PRKCE: variants seen among roughly 807,000 people sequenced by gnomAD.
PRKCE encodes protein kinase C epsilon, also known as protein kinase C epsilon type.
PRKCE carries 16 observed loss-of-function variants against 85.4 expected under a neutral mutation model. That is an observed-to-expected ratio of 0.19 (90% CI 0.13 to 0.28). The LOEUF (loss-of-function observed/expected upper bound fraction) is 0.28. Ranked by LOEUF, PRKCE falls within the 10% of genes least tolerant of loss-of-function variation. The pLI, the probability that PRKCE is intolerant of heterozygous loss-of-function variation, is 1.00. For missense variants in PRKCE, 573 were observed against 975.2 expected, an observed-to-expected ratio of 0.59 and a Z score of 5.49; for synonymous variants, 388 against 371.5, an observed-to-expected ratio of 1.04 and a Z score of -0.51.
chr2:46,027,701 C>T (rs1346211009), intron 10 of PRKCE, among the ~76,000 whole-genome samples: 2 of 152,170 alleles, frequency 1.3e-5, no homozygotes, highest in Admixed American at 1.3e-4. Flanking sequence ...CTCTGTGTAT[C>T]ATTCTTTTGC....
intron 2 of PRKCE, among the ~76,000 whole-genome samples, chr2:45,852,499 G>C (rs755852636): frequency 1.3e-5 from 2 of 152,114 alleles, no homozygotes; most frequent in Non-Finnish European, 2.9e-5. Context: ...ACCATGCTAA[G>C]AGCTAAACAA....
chr2:45,738,687 A>G (rs974809545), intron 1 of PRKCE, among the ~76,000 whole-genome samples: 1 of 152,212 alleles, frequency 6.6e-6, no homozygotes, highest in East Asian at 1.9e-4. Flanking sequence ...TGAGGGCCTA[A>G]GGTGTGAATA....
intron 1 of PRKCE, chr2:45,674,680 A>T (rs1035133371): frequency 6.6e-6 from 1 of 152,270 alleles, no homozygotes; most frequent in African/African-American, 2.4e-5. Context: ...CCCAAAGCAC[A>T]GATTGGAGGC....
At chr2:45,804,516 A>T (rs1688100075) in intron 1 of PRKCE, among the ~76,000 whole-genome samples, 1 of 152,164 alleles carries the variant, frequency 6.6e-6, no homozygotes, top group South Asian at 2.1e-4. Flanking sequence ...GACTTCTCCT[A>T]TACTGAGGTG....
intron 2 of PRKCE, among the ~76,000 whole-genome samples, chr2:45,883,288 G>T (rs974129597): frequency 2.0e-5 from 3 of 152,232 alleles, no homozygotes; most frequent in Non-Finnish European, 2.9e-5. Context: ...GTCAGAAAAC[G>T]GTAGTGTTGC....
intron 14 of PRKCE, among the ~76,000 whole-genome samples, chr2:46,163,395 G>A (rs13008546): frequency 5.7e-4 from 79 of 138,108 alleles, no homozygotes; most frequent in African/African-American, 1.1e-3. Flanking sequence ...TGAGAGACAC[G>A]GGGAAGCTGA....
At chr2:45,935,918 G>A (rs1319647859) in intron 2 of PRKCE, among the ~76,000 whole-genome samples, 1 of 152,248 alleles carries the variant, frequency 6.6e-6, no homozygotes. Flanking sequence ...GCACACTGGA[G>A]TCCTGGAGTG....
intron 1 of PRKCE, among the ~76,000 whole-genome samples, chr2:45,694,205 C>T (rs893788731): frequency 2.7e-5 from 4 of 150,738 alleles, no homozygotes; most frequent in African/African-American, 9.8e-5. Flanking sequence ...TCTCTAGCGT[C>T]AAGTATTAAA....
rs1179098903 is a variant in PRKCE at position 45,907,507 on chromosome 2, G to C, written c.412+64444G>C. 1.3e-5 allele frequency among the ~76,000 whole-genome samples: 2 copies of C among 152,236 alleles called. No individual in the cohort carries two copies. Among genetic ancestry groups the C allele is most frequent in the African/African-American group, 4.8e-5 (2 of 41,464 alleles). On this transcript the variant is annotated intron_variant, in intron 2 of 14. Coordinates refer to ENST00000306156, the MANE Select transcript of PRKCE (RefSeq NM_005400.3). This position sits in a 1 kb window ranked among gnomAD's most constrained non-coding sequence, Gnocchi z 4.5. ...AACAATGGACGAAGCACACTTCTGA[G>C]GGCGTCATCGCAGGCCCTGTTCATC...
intron 1 of PRKCE, among the ~76,000 whole-genome samples, chr2:45,788,123 A>G (rs1045491034): frequency 6.6e-6 from 1 of 152,130 alleles, no homozygotes; most frequent in African/African-American, 2.4e-5. Flanking sequence ...TTTCCTGCCA[A>G]AGTGTCTCCT....
intron 10 of PRKCE, among the ~76,000 whole-genome samples, chr2:46,064,280 C>CAAAAAAAAAAAA (rs58347072): frequency 3.3e-5 from 3 of 90,848 alleles, no homozygotes; most frequent in Non-Finnish European, 6.9e-5. Flanking sequence ...GACTCTGTCT[C>CAAAAAAAAAAAA]AAAAAAAAAA....
intron 1 of PRKCE, among the ~76,000 whole-genome samples, chr2:45,830,068 G>A (rs1309921388): frequency 1.1e-4 from 7 of 64,824 alleles, no homozygotes; most frequent in East Asian, 1.0e-3. Context: ...GCGAGACTCC[G>A]TCTCAAAAAA....
At position 45,736,525 on chromosome 2, in the gene PRKCE, TC is replaced by T. The variant is rs1353080348; in HGVS notation, c.348+84079del. ...AATTAGACGTGGAGCAGTCACCTCTTCCAGGAAGGCTTTCCTAAGTTCCCCT... is the reference window on the plus strand; with the variant it reads ...AATTAGACGTGGAGCAGTCACCTCTTCAGGAAGGCTTTCCTAAGTTCCCCT... On this transcript the variant is annotated intron_variant, in intron 1 of 14. Transcript: ENST00000306156. 2.0e-5 allele frequency among the ~76,000 whole-genome samples: 3 copies of T among 152,328 alleles called. No homozygotes were observed. In the East Asian group the frequency reaches 5.8e-4, roughly 29 times the overall value.
chr2:45,955,825 A>G (rs981711542), intron 2 of PRKCE, among the ~76,000 whole-genome samples: 9 of 152,202 alleles, frequency 5.9e-5, no homozygotes, highest in African/African-American at 1.7e-4. Flanking sequence ...TCATTTACAT[A>G]CAGTAAACTT....
chr2:45,674,768 C>G (rs1233766723), intron 1 of PRKCE: 1 of 152,148 alleles, frequency 6.6e-6, no homozygotes, highest in Admixed American at 6.5e-5. Context: ...GAGGTGGGCA[C>G]TGCTTGAGGG....
intron 2 of PRKCE, among the ~76,000 whole-genome samples, chr2:45,954,789 C>T (rs780349113): frequency 3.3e-5 from 5 of 152,010 alleles, no homozygotes; most frequent in South Asian, 2.1e-4. Flanking sequence ...TGTTTAGAAC[C>T]GAGGATAGCT....
rs3834107 is a variant in PRKCE at position 46,184,434 on chromosome 2, AACACAC to A, written c.2068-278_2068-273del. 1.3e-3 allele frequency among the ~76,000 whole-genome samples: 188 copies of A among 149,194 alleles called. 1 individual carries two copies. Among genetic ancestry groups the A allele is most frequent in the East Asian group, 6.6e-3 (33 of 4,970 alleles). On this transcript the variant is annotated intron_variant, in intron 14 of 14. Coordinates refer to ENST00000306156, the MANE Select transcript of PRKCE (RefSeq NM_005400.3). The surrounding 1 kb of genome is among the most constrained non-coding windows in gnomAD (Gnocchi z 5.0). ...GGGACCTTTGCATCATACACACACA[AACACAC>A]ACACACACACACACACACACACGTC...
chr2:45,778,455 G>T (rs1685928971), intron 1 of PRKCE, among the ~76,000 whole-genome samples: 1 of 152,144 alleles, frequency 6.6e-6, no homozygotes, highest in South Asian at 2.1e-4. Flanking sequence ...AGTGTGAAAG[G>T]TTGAGTCAAG....
At chr2:46,000,804 T>A (rs1704619481) in intron 6 of PRKCE, 1 of 152,348 alleles carries the variant, frequency 6.6e-6, no homozygotes, top group African/African-American at 2.4e-5. Flanking sequence ...GGTTTCTGCT[T>A]CAGTAAGTTG....
Sources: allele counts gnomAD v4.1 joint callset (sites outside exome capture counted in the v4.1 genomes callset), GRCh38; gene constraint gnomAD v4.1.1; non-coding constraint Gnocchi (gnomAD v3.1); transcripts MANE v1.5; gene names NCBI Gene and HGNC (gene_info 2026-07-23, HGNC 2026-07-21).